DEF8: variants seen among roughly 807,000 people sequenced by gnomAD.
DEF8 encodes the protein DEF-8.
A neutral mutation model predicts 59.1 loss-of-function variants in DEF8; 38 were observed. The ratio of observed to expected loss-of-function variants is 0.64; its 90% CI spans 0.50 to 0.84. DEF8 has a LOEUF of 0.84. Among genes scored for constraint, DEF8 ranks in the 40% least tolerant of loss-of-function variants. The pLI, the probability that DEF8 is intolerant of heterozygous loss-of-function variation, is 0.00. For synonymous variants in DEF8, 265 were observed against 250.1 expected, an observed-to-expected ratio of 1.06 and a Z score of -0.56; for missense variants, 557 against 615.2, an observed-to-expected ratio of 0.91 and a Z score of 1.00.
chr16:89,954,230 G>C lies in DEF8; in HGVS notation c.-10-13G>C. ...GTACCTGGGGACTCATCCTGGCCCT[G>C]CCTGGCCCTCAGGTGGGATGCTATG... On this transcript the variant is annotated splice_polypyrimidine_tract_variant and intron_variant, in intron 2 of 12. Coordinates refer to ENST00000563594, the MANE Select transcript of DEF8 (RefSeq NM_001242818.2). This position sits in a 1 kb window ranked among gnomAD's most constrained non-coding sequence, Gnocchi z 4.3. The C allele has an allele frequency of 6.2e-7, 1 of 1,610,290 alleles. No homozygotes were observed.
Position 89,957,560 on chromosome 16 carries a change from A to C in DEF8, c.272A>C (p.Glu91Ala). Residue 91 changes from glutamate (E) to alanine (A), a missense_variant, in exon 5 of 13, where the codon GAG becomes GCG. Transcript: ENST00000563594. ...DVQQLRQAIE[E>A]CKQVILELPE... Reference sequence around the variant, plus strand: ...CAGCAGCTGCGGCAGGCGATCGAGGAGTGCAAGCAGGTGATTCTGGAGCTG... The same window carrying C: ...CAGCAGCTGCGGCAGGCGATCGAGGCGTGCAAGCAGGTGATTCTGGAGCTG... 1.9e-6 allele frequency: 3 copies of C among 1,592,670 alleles called. 1 individual carries two copies. In the South Asian group the frequency reaches 3.4e-5, roughly 18 times the overall value.
chr16:89,961,870 G>A lies in DEF8; in HGVS notation c.807+6G>A. On this transcript the variant is annotated splice_donor_region_variant and intron_variant, in intron 8 of 12. Coordinates refer to ENST00000563594, the MANE Select transcript of DEF8 (RefSeq NM_001242818.2). The stretch of plus-strand genomic sequence containing the variant: ...GGGACTTTGAGCCTCGAAAGGTGGG[G>A]GTTGGAAGGTGGGGGCATCCCCCTG... 1 of 1,598,746 alleles carries A rather than the reference G, an allele frequency of 6.3e-7. No homozygotes were observed. Among genetic ancestry groups the A allele is most frequent in the South Asian group, 1.1e-5 (1 of 88,928 alleles).
intron 9 of DEF8, among the ~76,000 whole-genome samples, chr16:89,962,396 C>A (rs940802387): frequency 1.3e-5 from 2 of 152,252 alleles, no homozygotes; most frequent in Non-Finnish European, 2.9e-5. Context: ...ACGGTGCTCA[C>A]ACCTGTAATC....
At chr16:89,949,278 C>G in intron 1 of DEF8, 139 bp from the exon 2 acceptor site, 2 of 716,416 alleles carry the variant, frequency 2.8e-6, no homozygotes, top group Non-Finnish European at 4.4e-6. Context: ...CCGCCCTGGG[C>G]TGCTCCGAGC....
At chr16:89,949,278 C>T in intron 1 of DEF8, 139 bp from the exon 2 acceptor site, 1 of 716,416 alleles carries the variant, frequency 1.4e-6, no homozygotes, top group South Asian at 2.0e-5. Context: ...CCGCCCTGGG[C>T]TGCTCCGAGC....
At chr16:89,964,011 C>A in intron 10 of DEF8, 159 bp from the exon 11 acceptor site, 1 of 974,416 alleles carries the variant, frequency 1.0e-6, no homozygotes, top group Non-Finnish European at 1.6e-6. Context: ...CTTCCCCTGT[C>A]GGCTTCCTGG....
intron 12 of DEF8, among the ~76,000 whole-genome samples, chr16:89,965,202 TA>T (rs2034501093): frequency 6.6e-6 from 1 of 152,248 alleles, no homozygotes; most frequent in Admixed American, 6.5e-5. Flanking sequence ...CATTCTTCAG[TA>T]AGTATGATTA....
intron 6 of DEF8, 88 bp from the exon 7 acceptor site, chr16:89,960,843 C>A: frequency 6.9e-7 from 1 of 1,441,410 alleles, no homozygotes; most frequent in Non-Finnish European, 9.6e-7. Context: ...GAGTGGAACC[C>A]ACGGGGAGGG....
rs1420927304 is a variant in DEF8, at chr16:89,960,984, G to A, written c.568G>A (p.Val190Met). The change falls in exon 7 of 13, where the codon GTG (valine) becomes ATG (methionine). Residue 190 changes from valine (V) to methionine (M), a missense_variant. Physicochemically the swap from Val to Met is conservative, Grantham distance 21. Coordinates refer to ENST00000563594, the MANE Select transcript of DEF8 (RefSeq NM_001242818.2). ...CTTGAACCTCATCTCCAAGCCCTGT[G>A]TGAGCTCCAAAGTCAGCCACCAAGC... ...KCLNLISKPC[V>M]SSKVSHQAEY... 6.2e-7 allele frequency: 1 copy of A among 1,614,164 alleles called. No homozygotes were observed. The highest frequency in any genetic ancestry group is 1.7e-4 in the Middle Eastern group (1 of 6,058).
At chr16:89,964,615 C>T in intron 12 of DEF8, 40 bp downstream of exon 12, 1 of 1,478,910 alleles carries the variant, frequency 6.8e-7, no homozygotes, top group Non-Finnish European at 9.2e-7. Flanking sequence ...GGCTGGGGCT[C>T]TGCGCTGTCC....
intron 7 of DEF8, 99 bp from the exon 8 acceptor site, chr16:89,961,638 C>T (rs1184511186): frequency 1.5e-5 from 22 of 1,473,658 alleles, no homozygotes; most frequent in Middle Eastern, 2.4e-4. Context: ...CCCATGTCTC[C>T]CCGAGGGCTG....
rs1234688843 is a variant in DEF8, at chr16:89,954,285, G to T, written c.33G>T (p.Arg11=). ...ATGATGAGAAGCTGGCCCGTTTCCG[G>T]CAGGCCCACCTCAACCCCTTCAACA... The part of the protein sequence containing the change: MEYDEKLARF[R]QAHLNPFNKQ... The change falls in exon 3 of 13, where the codon CGG becomes CGT. Residue 11 remains arginine (R), a synonymous_variant. Transcript: ENST00000563594. The surrounding 1 kb of genome is among the most constrained non-coding windows in gnomAD (Gnocchi z 4.3). 1.9e-6 allele frequency: 3 copies of T among 1,613,342 alleles called. No homozygotes were observed. Among genetic ancestry groups the T allele is most frequent in the Non-Finnish European group, 2.5e-6 (3 of 1,179,980 alleles).
Position 89,954,295 on chromosome 16 carries a change from C to T in DEF8, c.43C>T (p.Leu15Phe). 1 of 1,613,630 alleles carries T rather than the reference C, an allele frequency of 6.2e-7. No individual in the cohort carries two copies. The highest frequency in any genetic ancestry group is 8.5e-7 in the Non-Finnish European group (1 of 1,179,954). ...GCTGGCCCGTTTCCGGCAGGCCCAC[C>T]TCAACCCCTTCAACAAGCAGTCTGG... ...EKLARFRQAHLNPFNKQSGPR... is the reference protein window; with the variant it reads ...EKLARFRQAHFNPFNKQSGPR... The change falls in exon 3 of 13, where the codon CTC (leucine) becomes TTC (phenylalanine). Residue 15 changes from leucine to phenylalanine, a missense_variant. By Grantham distance (22) the Leu-to-Phe change is conservative. Coordinates refer to ENST00000563594, the MANE Select transcript of DEF8 (RefSeq NM_001242818.2). This position sits in a 1 kb window ranked among gnomAD's most constrained non-coding sequence, Gnocchi z 4.3.
chr16:89,956,437 G>C (rs1276524055), intron 4 of DEF8: 1 of 151,800 alleles, frequency 6.6e-6, no homozygotes, highest in African/African-American at 2.4e-5. Flanking sequence ...TCCAGCCTGG[G>C]CGACAGAGAC....
intron 2 of DEF8, chr16:89,950,435 C>T (rs2031805619): frequency 7.9e-6 from 6 of 755,988 alleles, no homozygotes; most frequent in Non-Finnish European, 9.6e-6. Context: ...GTTGCCTAGG[C>T]TGGAGTGCAG....
chr16:89,959,346 A>T, intron 6 of DEF8, 191 bp downstream of exon 6: 1 of 1,439,310 alleles, frequency 6.9e-7, no homozygotes, highest in Non-Finnish European at 9.1e-7. Context: ...TCTGGATGAG[A>T]AATTAAACTA....
intron 2 of DEF8, among the ~76,000 whole-genome samples, chr16:89,951,952 A>G (rs1419165966): frequency 1.3e-5 from 2 of 150,776 alleles, no homozygotes; most frequent in Non-Finnish European, 2.9e-5. Context: ...TTCTCGGCTC[A>G]CTGCAAGCTC....
intron 4 of DEF8, 47 bp from the exon 5 acceptor site, chr16:89,957,464 C>T (rs1003443966): frequency 9.1e-6 from 14 of 1,539,536 alleles, no homozygotes; most frequent in Non-Finnish European, 1.1e-5. Context: ...TAACAGGGAG[C>T]TCCTGCAGGA....
Position 89,957,615 on chromosome 16 carries a change from C to T in DEF8, c.327C>T (p.Ala109=), listed in dbSNP as rs138165651. ...LPEQSEKQKD[A]VVRLIHLRLK... ...AGCAGTCGGAGAAGCAGAAGGATGC[C>T]GTGGTGCGACTCATCCACCTCCGGC... is the stretch of plus-strand genomic sequence containing the variant. Residue 109 remains alanine (A), a synonymous_variant, in exon 5 of 13, where the codon GCC becomes GCT. Transcript: ENST00000563594. 5.7e-6 allele frequency: 9 copies of T among 1,578,742 alleles called. No individual in the cohort carries two copies. Among genetic ancestry groups the T allele is most frequent in the Admixed American group, 1.8e-5 (1 of 54,842 alleles).
Sources: gnomAD v4.1 joint callset for allele counts (sites outside exome capture counted in the v4.1 genomes callset) on GRCh38, gnomAD v4.1.1 for gene constraint, Gnocchi (gnomAD v3.1) non-coding constraint, MANE v1.5 for transcripts, NCBI Gene and HGNC (gene_info 2026-07-23, HGNC 2026-07-21) for gene names.